The following ZNF41 variants were observed in gnomAD, a reference collection of about 807,000 sequenced individuals.
ZNF41 encodes the protein zinc finger protein 41.
Under a neutral mutation model 9.3 loss-of-function variants are expected in ZNF41, and 6 were observed. The ratio of observed to expected loss-of-function variants is 0.65; its 90% CI spans 0.35 to 1.28. The LOEUF is 1.28. Among genes scored for constraint, ZNF41 ranks in the 50% most tolerant of loss-of-function variants. ZNF41 has a pLI of 0.03. For synonymous variants in ZNF41, 192 were observed against 207.1 expected (o/e 0.93, Z 0.63); for missense variants, 523 against 585.8 (o/e 0.89, Z 1.11).
At chrX:47,468,289 A>G (rs369151174) in intron 1 of ZNF41, among the ~76,000 whole-genome samples, 5 of 111,718 alleles carry the variant, frequency 4.5e-5, no homozygotes, top group African/African-American at 1.6e-4. Context: ...CAGAATCACA[A>G]TAAACACTGT....
rs183344936 is a variant in ZNF41 at position 47,455,271 on chromosome X, A to T, written c.295+650T>A. Among the ~76,000 whole-genome samples, 321 of 99,833 alleles carry T rather than the reference A, an allele frequency of 3.2e-3. 1 individual carries two copies. The highest frequency in any genetic ancestry group is 9.7e-3 in the African/African-American group (250 of 25,707). 86.7% of individuals were successfully genotyped at this position (99,833 alleles called of 115,157 possible). A position where few individuals can be genotyped will look rare whatever the true frequency, so the allele number is the denominator to read the frequency against. ...AAAAAATAAATAAATAAATAAAAATAAAAATTAAAATTAAAATTAAAAAAA... is the reference window on the plus strand; with the variant it reads ...AAAAAATAAATAAATAAATAAAAATTAAAATTAAAATTAAAATTAAAAAAA... On this transcript the variant is annotated intron_variant, in intron 4 of 4. Coordinates refer to ENST00000684689, the MANE Select transcript of ZNF41 (RefSeq NM_001324144.2).
intron 2 of ZNF41, among the ~76,000 whole-genome samples, chrX:47,465,447 C>G (rs2056952153): frequency 8.9e-6 from 1 of 112,158 alleles, no homozygotes; most frequent in Non-Finnish European, 1.9e-5. Context: ...AGAAATAAGT[C>G]TTTGAGGTAA....
chrX:47,472,461 A>G (rs2057220829), intron 1 of ZNF41, among the ~76,000 whole-genome samples: 1 of 74,598 alleles, frequency 1.3e-5, no homozygotes, highest in South Asian at 7.6e-4. Flanking sequence ...TTTTTTTGAG[A>G]CAGAGTCTCA....
intron 2 of ZNF41, among the ~76,000 whole-genome samples, chrX:47,458,747 C>T (rs6609515): frequency 0.022 from 2,411 of 109,809 alleles, 60 homozygotes; most frequent in African/African-American, 0.075. Context: ...CACAGGCATA[C>T]GTCACCATAT....
chrX:47,463,115 C>T (rs1255659577), intron 2 of ZNF41, among the ~76,000 whole-genome samples: 4 of 110,313 alleles, frequency 3.6e-5, no homozygotes, highest in African/African-American at 9.9e-5. Flanking sequence ...TGCGAACCAC[C>T]GTGCCTGGCC....
intron 4 of ZNF41, among the ~76,000 whole-genome samples, chrX:47,451,323 A>C (rs966417607): frequency 1.8e-5 from 2 of 112,646 alleles, no homozygotes; most frequent in African/African-American, 6.4e-5. Flanking sequence ...CCACTTCAGG[A>C]AACTGAAGAA....
chrX:47,447,708 C>CA lies in ZNF41; in HGVS notation c.2061_2062insT (p.Glu688Ter). The CA allele has an allele frequency of 8.3e-7, 1 of 1,211,525 alleles. No individual in the cohort carries two copies. The highest frequency in any genetic ancestry group is 1.1e-6 in the Non-Finnish European group (1 of 895,514). ...CAGTCACCACATTCATAGGGTTTCT[C>CA]CCTAGTGTGGATTTTCTGATGTGTT... On this transcript the variant is annotated frameshift_variant, in exon 5 of 5. Coordinates refer to ENST00000684689, the MANE Select transcript of ZNF41 (RefSeq NM_001324144.2). LOFTEE classifies it low-confidence loss of function (END_TRUNC).
At chrX:47,450,401 G>T (rs2056319046) in intron 4 of ZNF41, among the ~76,000 whole-genome samples, 1 of 110,134 alleles carries the variant, frequency 9.1e-6, no homozygotes, top group East Asian at 2.8e-4. Flanking sequence ...AGTAGAGACG[G>T]GGTTACACCA....
intron 1 of ZNF41, 101 bp downstream of exon 1, chrX:47,482,994 A>ACGCACC (rs1298143103): frequency 9.0e-6 from 1 of 111,227 alleles, no homozygotes; most frequent in African/African-American, 3.3e-5. Flanking sequence ...AGGTCGCGAG[A>ACGCACC]CGCACCCGCC....
Position 47,447,656 on chromosome X carries a change from C to T in ZNF41, c.2114G>A (p.Arg705His), listed in dbSNP as rs144904486. 458 of 1,209,810 alleles carry T rather than the reference C, an allele frequency of 3.8e-4. No individual in the cohort carries two copies. The highest frequency in any genetic ancestry group is 4.1e-4 in the Non-Finnish European group (364 of 895,217). ...DCGKTFTWKSRLNIHQKSHTG... is the reference protein window; with the variant it reads ...DCGKTFTWKSHLNIHQKSHTG... ...ATGAGACTTCTGATGTATATTGAGG[C>T]GTGACTTCCAGGTGAAGGTTTTCCC... Residue 705 changes from arginine (R) to histidine (H), a missense_variant, in exon 5 of 5, where the codon CGC (arginine) becomes CAC (histidine). Arg to His is a conservative substitution (Grantham distance 29). Coordinates refer to ENST00000684689, the MANE Select transcript of ZNF41 (RefSeq NM_001324144.2).
In ZNF41 at chrX:47,447,574, G is replaced by A; in HGVS notation, c.2196C>T (p.Ala732=). The A allele has an allele frequency of 8.3e-7, 1 of 1,211,400 alleles. No individual in the cohort carries two copies. Among genetic ancestry groups the A allele is most frequent in the East Asian group, 3.0e-5 (1 of 33,846 alleles). Residue 732 remains alanine (A), a synonymous_variant, in exon 5 of 5, where the codon GCC becomes GCT. Transcript: ENST00000684689. ...GAATTATCTGATGCATACTTAGTGTGGCTTTCTGGATGAAAGCTTTCCCAC... is the reference window on the plus strand; with the variant it reads ...GAATTATCTGATGCATACTTAGTGTAGCTTTCTGGATGAAAGCTTTCCCAC... ...SKCGKAFIQK[A]TLSMHQIIHT...
chrX:47,465,837 T>TA (rs994756322), intron 2 of ZNF41, among the ~76,000 whole-genome samples: 1 of 111,329 alleles, frequency 9.0e-6, no homozygotes, highest in African/African-American at 3.3e-5. Flanking sequence ...TAAATAAAAT[T>TA]AAAAAAATAG....
Position 47,445,321 on chromosome X carries a change from C to T in ZNF41, c.*2109G>A, listed in dbSNP as rs1261101861. Among the ~76,000 whole-genome samples, 1 of 111,523 alleles carries T rather than the reference C, an allele frequency of 9.0e-6. No homozygotes were observed. The highest frequency in any genetic ancestry group is 3.3e-5 in the African/African-American group (1 of 30,678). On this transcript the variant is annotated 3_prime_UTR_variant, in exon 5 of 5. Transcript: ENST00000684689. The stretch of plus-strand genomic sequence containing the variant: ...GGTAAGGATGTGGAGAAACCGGAAA[C>T]CTCATACATTGATAGAATGTAAAAT...
chrX:47,447,784 G>A lies in ZNF41; in HGVS notation c.1986C>T (p.Pro662=). 1 of 1,211,416 alleles carries A rather than the reference G, an allele frequency of 8.3e-7. No homozygotes were observed. The highest frequency in any genetic ancestry group is 1.1e-6 in the Non-Finnish European group (1 of 895,469). Residue 662 remains proline, a synonymous_variant, in exon 5 of 5, where the codon CCC becomes CCT. Coordinates refer to ENST00000684689, the MANE Select transcript of ZNF41 (RefSeq NM_001324144.2). Reference sequence around the variant, plus strand: ...CCTTTCCACATTCAGCACATATATTGGGCTTCTCACCTGTGTGGATTTTCT... The same window carrying A: ...CCTTTCCACATTCAGCACATATATTAGGCTTCTCACCTGTGTGGATTTTCT... ...VHQKIHTGEK[P]NICAECGKAF...
chrX:47,456,417 G>A lies in ZNF41; in HGVS notation c.73-19C>T. The A allele has an allele frequency of 8.3e-7, 1 of 1,211,099 alleles. No homozygotes were observed. The highest frequency in any genetic ancestry group is 1.8e-5 in the South Asian group (1 of 56,980). ...CTGAAGCCTGTAACGACACAATGCT[G>A]TTCAAGGCAGCATGGTCAGCACTGG... is the stretch of plus-strand genomic sequence containing the variant. On this transcript the variant is annotated intron_variant, in intron 2 of 4. Coordinates refer to ENST00000684689, the MANE Select transcript of ZNF41 (RefSeq NM_001324144.2).
At position 47,449,288 on chromosome X, in the gene ZNF41, A is replaced by C. The variant is rs955590482; in HGVS notation, c.482T>G (p.Leu161Trp). 3 of 1,211,306 alleles carry C rather than the reference A, an allele frequency of 2.5e-6. No homozygotes were observed. In the African/African-American group the frequency reaches 5.2e-5, roughly 21 times the overall value. ...QNNLLSHVKV[L>W]IKERGYEHKN... ...ATGTTCATAGCCCCTCTCCTTAATC[A>C]ATACTTTCACATGACTTAAAAGGTT... The change falls in exon 5 of 5, where the codon TTG (leucine) becomes TGG (tryptophan). Residue 161 changes from leucine to tryptophan, a missense_variant. Leu to Trp is a moderately conservative substitution (Grantham distance 61, BLOSUM62 -2). Transcript: ENST00000684689.
At position 47,456,997 on chromosome X, in the gene ZNF41, T is replaced by G. The variant is rs772026531; in HGVS notation, c.73-599A>C. ...ATTGAGAAGGTGACTATGAGGAAAA[T>G]CCAGTAGAGATATACTAGCATCAGA... On this transcript the variant is annotated intron_variant, in intron 2 of 4. Coordinates refer to ENST00000684689, the MANE Select transcript of ZNF41 (RefSeq NM_001324144.2). Among the ~76,000 whole-genome samples the G allele has an allele frequency of 3.6e-5, 4 of 111,715 alleles. No homozygotes were observed. The Admixed American group carries it at 3.8e-4, about 11-fold the overall frequency.
Position 47,456,323 on chromosome X carries a change from G to A in ZNF41, c.148C>T (p.Arg50Cys), listed in dbSNP as rs748333441. 21 of 1,208,896 alleles carry A rather than the reference G, an allele frequency of 1.7e-5. No homozygotes were observed. The highest frequency in any genetic ancestry group is 5.3e-5 in the African/African-American group (3 of 56,857). Residue 50 changes from arginine (R) to cysteine (C), a missense_variant, in exon 3 of 5, where the codon CGC becomes TGC. By Grantham distance (180) the Arg-to-Cys change is radical. Coordinates refer to ENST00000684689, the MANE Select transcript of ZNF41 (RefSeq NM_001324144.2). ...TCTAGTGTCACATCCCAGTACAGGC[G>A]TCTCTGGGCAGGGTCCAAGTGCTGC... ...EWQHLDPAQR[R>C]LYWDVTLENY... is the part of the protein sequence containing the mutation.
At chrX:47,458,934 C>A (rs928171361) in intron 2 of ZNF41, among the ~76,000 whole-genome samples, 4 of 110,658 alleles carry the variant, frequency 3.6e-5, no homozygotes. Flanking sequence ...CCAAGACACT[C>A]TTGAATAGTT....
Sources: gnomAD v4.1 joint callset for allele counts (sites outside exome capture counted in the v4.1 genomes callset) on GRCh38, gnomAD v4.1.1 for gene constraint, MANE v1.5 for transcripts, NCBI Gene and HGNC (gene_info 2026-07-23, HGNC 2026-07-21) for gene names.